Variants in AHI1 observed in about 807,000 individuals in gnomAD.
AHI1 encodes the protein jouberin.
AHI1 carries 123 observed loss-of-function variants against 149.3 expected under a neutral mutation model. The ratio of observed to expected loss-of-function variants is 0.82; its 90% CI spans 0.71 to 0.96. AHI1 has a LOEUF of 0.96. AHI1 is among the 40% of genes least tolerant of loss of function. AHI1 has a pLI of 0.00. For synonymous variants in AHI1, 475 were observed against 459.8 expected, an observed-to-expected ratio of 1.03 and a Z score of -0.42; for missense variants, 1,439 against 1,422.7, an observed-to-expected ratio of 1.01 and a Z score of -0.18.
chr6:135,333,560 C>T (rs975472217), intron 24 of AHI1, among the ~76,000 whole-genome samples: 2 of 152,166 alleles, frequency 1.3e-5, no homozygotes. Context: ...TAAATAATTG[C>T]ACACAGTTTA....
chr6:135,301,953 T>C (rs1783934896), intron 26 of AHI1: 1 of 985,152 alleles, frequency 1.0e-6, no homozygotes, highest in South Asian at 4.7e-5. Context: ...GTGAAATAAA[T>C]TCTAAACACA....
chr6:135,437,553 A>C (rs754187622), intron 15 of AHI1, among the ~76,000 whole-genome samples: 1 of 152,258 alleles, frequency 6.6e-6, no homozygotes, highest in Non-Finnish European at 1.5e-5. Flanking sequence ...TTATACAGAA[A>C]AGGAGGTTGG....
chr6:135,466,714 G>A (rs1054192420), intron 6 of AHI1, among the ~76,000 whole-genome samples: 12 of 152,058 alleles, frequency 7.9e-5, no homozygotes, highest in African/African-American at 2.9e-4. Flanking sequence ...ATAGATATTC[G>A]AGAAATTGCT....
intron 5 of AHI1, among the ~76,000 whole-genome samples, chr6:135,489,181 A>G (rs186010526): frequency 6.6e-6 from 1 of 152,052 alleles, no homozygotes; most frequent in Non-Finnish European, 1.5e-5. Flanking sequence ...TATCTTCCCA[A>G]ATATTTGTTC....
intron 20 of AHI1, among the ~76,000 whole-genome samples, chr6:135,422,652 T>TATGTATGTATAC (rs1783360965): frequency 6.6e-6 from 1 of 150,918 alleles, no homozygotes; most frequent in Non-Finnish European, 1.5e-5. Context: ...TGTATGTATG[T>TATGTATGTATAC]ATGTATACAT....
chr6:135,285,481 C>G lies in AHI1; in HGVS notation c.*164G>C. 1 of 756,490 alleles carries G rather than the reference C, an allele frequency of 1.3e-6. No individual in the cohort carries two copies. The highest frequency in any genetic ancestry group is 1.6e-5 in the South Asian group (1 of 60,658). 46.9% of individuals were successfully genotyped at this position (756,490 alleles called of 1,614,324 possible). A position where few individuals can be genotyped will look rare whatever the true frequency, so the allele number is the denominator to read the frequency against. ...AAGGCCACGTTGATTTTTCCACCCA[C>G]AACTTGATTCTGATTTTTCTAGAGT... is the stretch of plus-strand genomic sequence containing the variant. On this transcript the variant is annotated 3_prime_UTR_variant, in exon 29 of 29. Coordinates refer to ENST00000265602, the MANE Select transcript of AHI1 (RefSeq NM_001134831.2).
intron 11 of AHI1, among the ~76,000 whole-genome samples, chr6:135,451,602 T>C (rs1302972056): frequency 6.6e-6 from 1 of 152,046 alleles, no homozygotes; most frequent in Non-Finnish European, 1.5e-5. Flanking sequence ...TTACTCTTTC[T>C]GGGGGGTGGG....
intron 20 of AHI1, among the ~76,000 whole-genome samples, chr6:135,418,373 T>G (rs975156294): frequency 5.3e-5 from 8 of 152,152 alleles, no homozygotes; most frequent in African/African-American, 1.7e-4. Context: ...TTACTTCTAA[T>G]AGGCTATCAT....
At chr6:135,376,999 A>G (rs1178110294) in intron 23 of AHI1, among the ~76,000 whole-genome samples, 1 of 151,264 alleles carries the variant, frequency 6.6e-6, no homozygotes, top group African/African-American at 2.4e-5. Flanking sequence ...TAATGACACG[A>G]CAAGCAATTT....
chr6:135,320,201 T>C (rs953190865), intron 25 of AHI1, among the ~76,000 whole-genome samples: 13 of 152,158 alleles, frequency 8.5e-5, no homozygotes, highest in African/African-American at 3.1e-4. Flanking sequence ...GTTCAATCAT[T>C]ACAGTCGCAG....
At chr6:135,339,722 G>A (rs1789999769) in intron 24 of AHI1, among the ~76,000 whole-genome samples, 1 of 152,070 alleles carries the variant, frequency 6.6e-6, no homozygotes, top group Non-Finnish European at 1.5e-5. Context: ...ATGCATAACA[G>A]GACTCCCAGA....
At chr6:135,324,001 G>T (rs1787265821) in intron 24 of AHI1, among the ~76,000 whole-genome samples, 1 of 152,164 alleles carries the variant, frequency 6.6e-6, no homozygotes, top group South Asian at 2.1e-4. Flanking sequence ...AAGTCAAAAT[G>T]ATATGGCAGT....
intron 24 of AHI1, among the ~76,000 whole-genome samples, chr6:135,351,699 C>T (rs1281020697): frequency 6.6e-6 from 1 of 152,136 alleles, no homozygotes; most frequent in Non-Finnish European, 1.5e-5. Context: ...ACATGCAAAA[C>T]AACTAAGTTT....
In AHI1 at chr6:135,340,654, CATACATATATATATATATAT is replaced by C. The variant is rs1164094855; in HGVS notation, c.3166-17350_3166-17331del. ...AAAAACCAGTACATATATATACATACATACATATATATATATATATATATATATATATATATATATATGTT... is the reference window on the plus strand; with the variant it reads ...AAAAACCAGTACATATATATACATACATATATATATATATATATATATGTT... On this transcript the variant is annotated intron_variant, in intron 24 of 28. Transcript: ENST00000265602. Among the ~76,000 whole-genome samples, 202 of 58,594 alleles carry C rather than the reference CATACATATATATATATATAT, an allele frequency of 3.4e-3. 5 individuals are homozygous for C. The highest frequency in any genetic ancestry group is 6.1e-3 in the Non-Finnish European group (160 of 26,022). The allele number at this position is 58,594 out of a possible 152,430, so 38.4% of individuals were successfully genotyped here.
chr6:135,455,618 T>C (rs1404243795), intron 10 of AHI1, 116 bp downstream of exon 10: 1 of 773,216 alleles, frequency 1.3e-6, no homozygotes, highest in South Asian at 4.0e-5. Context: ...TCCTAGAGAT[T>C]AAATTCTCAC....
intron 20 of AHI1, among the ~76,000 whole-genome samples, chr6:135,413,038 T>TA (rs1454324922): frequency 3.9e-5 from 6 of 152,064 alleles, no homozygotes; most frequent in Non-Finnish European, 8.8e-5. Flanking sequence ...TTCATTAAAA[T>TA]AAAAAAACTT....
chr6:135,412,151 A>G (rs1418915604), intron 20 of AHI1, among the ~76,000 whole-genome samples: 3 of 152,134 alleles, frequency 2.0e-5, no homozygotes, highest in Admixed American at 1.3e-4. Context: ...GAATTCAACC[A>G]ACTATGGATA....
intron 13 of AHI1, among the ~76,000 whole-genome samples, chr6:135,443,774 T>G (rs1327594417): frequency 6.6e-6 from 1 of 152,142 alleles, no homozygotes; most frequent in African/African-American, 2.4e-5. Context: ...GACTCCATGC[T>G]CCCCATCCTT....
intron 15 of AHI1, 61 bp downstream of exon 15, chr6:135,438,314 T>C (rs747851694): frequency 4.1e-5 from 58 of 1,430,462 alleles, no homozygotes; most frequent in South Asian, 3.1e-4. Context: ...TCAGTTTATA[T>C]TCTCTTTGCT....
Sources: allele counts gnomAD v4.1 joint callset (sites outside exome capture counted in the v4.1 genomes callset), GRCh38; gene constraint gnomAD v4.1.1; transcripts MANE v1.5; gene names NCBI Gene and HGNC (gene_info 2026-07-23, HGNC 2026-07-21).